Variants in ZFAT observed in about 807,000 individuals in gnomAD.
ZFAT encodes zinc finger and AT-hook domain containing, also known as zinc finger protein ZFAT.
ZFAT carries 64 observed loss-of-function variants against 117.7 expected under a neutral mutation model. That is an observed-to-expected ratio of 0.54 (90% CI 0.44 to 0.67). The LOEUF (loss-of-function observed/expected upper bound fraction) is 0.67. Ranked by LOEUF, ZFAT falls within the 30% of genes least tolerant of loss-of-function variation. ZFAT has a pLI of 0.00. For synonymous variants in ZFAT, 679 were observed against 615.0 expected, an observed-to-expected ratio of 1.10 and a Z score of -1.54; for missense variants, 1,433 against 1,584.5, an observed-to-expected ratio of 0.90 and a Z score of 1.62.
intron 11 of ZFAT, among the ~76,000 whole-genome samples, chr8:134,553,949 C>T (rs962784254): frequency 6.6e-6 from 1 of 152,158 alleles, no homozygotes; most frequent in Non-Finnish European, 1.5e-5. Context: ...ACAGGCCTTC[C>T]ATCAAACCTG....
chr8:134,693,664 A>C (rs1254586602), intron 1 of ZFAT, among the ~76,000 whole-genome samples: 1 of 152,142 alleles, frequency 6.6e-6, no homozygotes, highest in Non-Finnish European at 1.5e-5. Flanking sequence ...AATGCGGAAG[A>C]AATGACGGAA....
intron 11 of ZFAT, among the ~76,000 whole-genome samples, chr8:134,548,062 T>C (rs904313275): frequency 3.9e-5 from 6 of 152,186 alleles, no homozygotes; most frequent in Non-Finnish European, 7.4e-5. Context: ...CTCCAAGCCC[T>C]TGAAGGAGCT....
At chr8:134,619,230 A>T (rs188322893) in intron 3 of ZFAT, among the ~76,000 whole-genome samples, 3 of 152,084 alleles carry the variant, frequency 2.0e-5, no homozygotes, top group Admixed American at 2.0e-4. Context: ...ACCATTTCAC[A>T]CAAAGCCTAT....
Position 134,505,417 on chromosome 8 carries a change from T to C in ZFAT, c.3492+4202A>G, listed in dbSNP as rs183335878. Reference sequence around the variant, plus strand: ...CGCACCCCTCAACCAAAGCTGTCCATGTCCTCATCTTTGAGGCCTGTGAAT... The same window carrying C: ...CGCACCCCTCAACCAAAGCTGTCCACGTCCTCATCTTTGAGGCCTGTGAAT... On this transcript the variant is annotated intron_variant, in intron 15 of 15. Transcript: ENST00000377838. 2.7e-4 allele frequency among the ~76,000 whole-genome samples: 41 copies of C among 152,368 alleles called. 1 individual carries two copies. In the East Asian group the frequency reaches 3.7e-3, roughly 14 times the overall value.
upstream of ZFAT, among the ~76,000 whole-genome samples, chr8:134,713,729 A>T (rs1372877527): frequency 1.3e-5 from 2 of 151,988 alleles, no homozygotes; most frequent in Non-Finnish European, 2.9e-5. Flanking sequence ...TTTGGTTTTG[A>T]TGTTAAGGTG....
At chr8:134,819,249 G>A in the ZFAT span, among the ~76,000 whole-genome samples, 1 of 151,754 alleles carries the variant, frequency 6.6e-6, no homozygotes, top group Non-Finnish European at 1.5e-5. Context: ...GAGTGGGAAG[G>A]GGAAGAGGAA....
the ZFAT span, among the ~76,000 whole-genome samples, chr8:134,757,903 T>C: frequency 6.6e-6 from 1 of 152,086 alleles, no homozygotes; most frequent in Non-Finnish European, 1.5e-5. Flanking sequence ...GTGGCTTTGG[T>C]TATTGTGCCT....
chr8:134,564,854 T>G, intron 11 of ZFAT: 2 of 774,970 alleles, frequency 2.6e-6, no homozygotes, highest in Non-Finnish European at 3.5e-6. Context: ...ATTAAAAGAA[T>G]ATGAAATGCC....
intron 6 of ZFAT, among the ~76,000 whole-genome samples, chr8:134,600,946 T>C (rs928804479): frequency 1.3e-5 from 2 of 152,180 alleles, no homozygotes; most frequent in East Asian, 3.9e-4. Context: ...AATACCATGA[T>C]GCACATGCAT....
intron 1 of ZFAT, 108 bp downstream of exon 1, chr8:134,712,716 TCCGCGGCCGGCGGCCGGCGGC>T (rs1814057193): frequency 5.4e-6 from 4 of 736,484 alleles, no homozygotes; most frequent in Non-Finnish European, 5.7e-6. Flanking sequence ...CCCGGATCCC[TCCGCGGCCGGCGGCCGGCGGC>T]CGGCGGCCGG....
intron 11 of ZFAT, among the ~76,000 whole-genome samples, chr8:134,546,430 GCAAGCTAGCAC>G (rs1822698720): frequency 6.6e-6 from 1 of 152,126 alleles, no homozygotes; most frequent in African/African-American, 2.4e-5. Flanking sequence ...CCCCTAAAAT[GCAAGCTAGCAC>G]CAAGTCACCC....
chr8:134,810,277 A>G, the ZFAT span, among the ~76,000 whole-genome samples: 1 of 152,206 alleles, frequency 6.6e-6, no homozygotes, highest in Non-Finnish European at 1.5e-5. Context: ...CTCAATATAT[A>G]AGCAAAAAGA....
chr8:134,559,438 A>G (rs1823899811), intron 11 of ZFAT, among the ~76,000 whole-genome samples: 1 of 152,154 alleles, frequency 6.6e-6, no homozygotes, highest in South Asian at 2.1e-4. Flanking sequence ...TGTGTGCCCC[A>G]TTGCCTATTT....
intron 12 of ZFAT, among the ~76,000 whole-genome samples, chr8:134,532,566 T>C (rs1383842657): frequency 6.6e-6 from 1 of 152,246 alleles, no homozygotes; most frequent in Non-Finnish European, 1.5e-5. Context: ...AAATCAGCAT[T>C]GTGGAGGGTA....
At chr8:134,528,098 T>A (rs1437923344) in intron 12 of ZFAT, among the ~76,000 whole-genome samples, 1 of 152,194 alleles carries the variant, frequency 6.6e-6, no homozygotes, top group Non-Finnish European at 1.5e-5. Flanking sequence ...CTCTTTCTCC[T>A]CCTCCTCTCT....
At chr8:134,681,877 G>A (rs191607441) in intron 1 of ZFAT, among the ~76,000 whole-genome samples, 34 of 152,238 alleles carry the variant, frequency 2.2e-4, no homozygotes, top group Non-Finnish European at 3.5e-4. Context: ...CACATCCAGC[G>A]GAATCAATAA....
intron 3 of ZFAT, among the ~76,000 whole-genome samples, chr8:134,635,546 T>C (rs538231594): frequency 6.6e-6 from 1 of 152,180 alleles, no homozygotes; most frequent in Admixed American, 6.5e-5. Context: ...CTGATTAAAA[T>C]GCAACGTCGT....
At chr8:134,683,464 T>A (rs1422266912) in intron 1 of ZFAT, among the ~76,000 whole-genome samples, 1 of 151,996 alleles carries the variant, frequency 6.6e-6, no homozygotes, top group African/African-American at 2.4e-5. Flanking sequence ...AAGGCAGAGA[T>A]CCCTGTGGCT....
intron 2 of ZFAT, chr8:134,639,716 C>G (rs1830475372): frequency 4.5e-6 from 2 of 445,694 alleles, no homozygotes; most frequent in Non-Finnish European, 9.0e-6. Flanking sequence ...GCACAATCTA[C>G]TGAAGCAGCA....
Sources: gnomAD v4.1 joint callset for allele counts (sites outside exome capture counted in the v4.1 genomes callset) on GRCh38, gnomAD v4.1.1 for gene constraint, MANE v1.5 for transcripts, NCBI Gene and HGNC (gene_info 2026-07-23, HGNC 2026-07-21) for gene names.